Variants in RPA3 observed in about 807,000 individuals in gnomAD.
RPA3 encodes the protein replication protein A3.
In RPA3, 24 loss-of-function variants were observed where a neutral mutation model predicts 13.7. The ratio of observed to expected loss-of-function variants is 1.75; its 90% CI spans 1.27 to 2.46. RPA3 has a LOEUF of 2.46. Ranked by LOEUF, RPA3 falls within the 30% of genes most tolerant of loss-of-function variation. The pLI is 0.00. For synonymous variants in RPA3, 59 were observed against 51.2 expected, an observed-to-expected ratio of 1.15 and a Z score of -0.65; for missense variants, 183 against 151.0, an observed-to-expected ratio of 1.21 and a Z score of -1.11.
intron 2 of RPA3, among the ~76,000 whole-genome samples, chr7:7,696,172 A>AT: frequency 6.6e-6 from 1 of 151,720 alleles, no homozygotes; most frequent in East Asian, 1.9e-4. Flanking sequence ...TGCCCAGCTA[A>AT]TTTTTTTATT....
intron 4 of RPA3, among the ~76,000 whole-genome samples, chr7:7,658,257 C>T (rs1027742892): frequency 6.6e-6 from 1 of 152,228 alleles, no homozygotes; most frequent in Non-Finnish European, 1.5e-5. Context: ...CATCTGCAAA[C>T]AGAGACAATT....
At chr7:7,681,827 G>A (rs780002619) in intron 4 of RPA3, among the ~76,000 whole-genome samples, 1 of 152,092 alleles carries the variant, frequency 6.6e-6, no homozygotes, top group African/African-American at 2.4e-5. Context: ...TACTAGTGTA[G>A]TGGCAAGCTC....
intron 2 of RPA3, among the ~76,000 whole-genome samples, chr7:7,699,551 C>G (rs1780406425): frequency 6.6e-6 from 1 of 152,138 alleles, no homozygotes; most frequent in Admixed American, 6.5e-5. Context: ...AGAACTGAAT[C>G]CCTAGGGTGG....
At chr7:7,652,689 A>G (rs556743637) in intron 4 of RPA3, among the ~76,000 whole-genome samples, 1 of 152,374 alleles carries the variant, frequency 6.6e-6, no homozygotes, top group East Asian at 1.9e-4. Context: ...GGCCTACCAC[A>G]GTGCCTGGCC....
At chr7:7,671,474 T>C (rs1779603350) in intron 4 of RPA3, among the ~76,000 whole-genome samples, 2 of 152,240 alleles carry the variant, frequency 1.3e-5, no homozygotes, top group Admixed American at 6.5e-5. Context: ...GATCCTTAGC[T>C]GAGGCTGAGT....
At position 7,695,969 on chromosome 7, in the gene RPA3, G is replaced by A. The variant is rs1257228522; in HGVS notation, c.-1027-8641C>T. 6.1e-5 allele frequency among the ~76,000 whole-genome samples: 9 copies of A among 147,018 alleles called. No individual in the cohort carries two copies. The East Asian group carries it at 1.8e-3, about 29-fold the overall frequency. ...ATAGGAGGCTCTTTTAAACCCTACTGTGTATATCTCCGTTTTTTTTTTTTT... is the reference window on the plus strand; with the variant it reads ...ATAGGAGGCTCTTTTAAACCCTACTATGTATATCTCCGTTTTTTTTTTTTT... On this transcript the variant is annotated intron_variant, in intron 2 of 7. Coordinates refer to ENST00000223129, the MANE Select transcript of RPA3 (RefSeq NM_002947.5).
chr7:7,685,520 G>A (rs1237585166), intron 4 of RPA3, among the ~76,000 whole-genome samples: 1 of 152,048 alleles, frequency 6.6e-6, no homozygotes, highest in African/African-American at 2.4e-5. Flanking sequence ...CTTTGGCCAG[G>A]ATGGTCTCCA....
intron 4 of RPA3, among the ~76,000 whole-genome samples, chr7:7,669,447 C>T (rs964376906): frequency 2.6e-5 from 4 of 152,026 alleles, no homozygotes; most frequent in African/African-American, 9.7e-5. Flanking sequence ...GTTTTTATAC[C>T]ACTGTGTGTT....
chr7:7,648,319 T>C (rs910733325), intron 4 of RPA3, among the ~76,000 whole-genome samples: 1 of 152,268 alleles, frequency 6.6e-6, no homozygotes. Flanking sequence ...CAGTAAACCA[T>C]AGACTTTATA....
At chr7:7,650,584 G>A (rs549829302) in intron 4 of RPA3, among the ~76,000 whole-genome samples, 6 of 152,294 alleles carry the variant, frequency 3.9e-5, no homozygotes, top group South Asian at 2.1e-4. Flanking sequence ...CCACTAAACC[G>A]TACACTTAAA....
At chr7:7,643,328 A>G (rs1356863964) in intron 4 of RPA3, among the ~76,000 whole-genome samples, 1 of 152,218 alleles carries the variant, frequency 6.6e-6, no homozygotes, top group African/African-American at 2.4e-5. Flanking sequence ...AACTCCCTAA[A>G]AACACTTCCC....
At chr7:7,659,844 C>T (rs927729765) in intron 4 of RPA3, among the ~76,000 whole-genome samples, 1 of 152,064 alleles carries the variant, frequency 6.6e-6, no homozygotes, top group African/African-American at 2.4e-5. Flanking sequence ...AAGTTCAAGT[C>T]CTGAATATCC....
chr7:7,684,239 A>G (rs1167941253), intron 4 of RPA3, among the ~76,000 whole-genome samples: 1 of 151,274 alleles, frequency 6.6e-6, no homozygotes, highest in African/African-American at 2.4e-5. Context: ...GTCTCACTCC[A>G]TCACCCAGGC....
At chr7:7,699,747 G>A (rs1189363056) in intron 2 of RPA3, among the ~76,000 whole-genome samples, 3 of 152,186 alleles carry the variant, frequency 2.0e-5, no homozygotes, top group Non-Finnish European at 4.4e-5. Context: ...GTAAGGTTCT[G>A]TAATCTTAGT....
At chr7:7,653,191 A>G (rs961842907) in intron 4 of RPA3, among the ~76,000 whole-genome samples, 1 of 152,208 alleles carries the variant, frequency 6.6e-6, no homozygotes, top group African/African-American at 2.4e-5. Flanking sequence ...TGCTTCAGAA[A>G]TTCTTCTTGT....
At chr7:7,686,345 A>G (rs145863557) in intron 3 of RPA3, among the ~76,000 whole-genome samples, 2 of 152,318 alleles carry the variant, frequency 1.3e-5, no homozygotes, top group African/African-American at 4.8e-5. Flanking sequence ...CTCAAATGTT[A>G]GAATGTTATC....
intron 4 of RPA3, among the ~76,000 whole-genome samples, chr7:7,644,306 T>A (rs970172229): frequency 3.9e-5 from 6 of 152,042 alleles, no homozygotes; most frequent in African/African-American, 1.4e-4. Context: ...ATGGTACAAG[T>A]GTTGTCTGTT....
chr7:7,668,796 AATT>A (rs1779533405), intron 4 of RPA3, among the ~76,000 whole-genome samples: 1 of 152,178 alleles, frequency 6.6e-6, no homozygotes, highest in Non-Finnish European at 1.5e-5. Context: ...TTATTTACCC[AATT>A]ATTCTAGTTA....
intron 4 of RPA3, chr7:7,673,302 A>C: frequency 8.2e-7 from 1 of 1,224,350 alleles, no homozygotes; most frequent in Non-Finnish European, 1.2e-6. Context: ...TAATGTTTCT[A>C]TTTCAGGTAG....
Sources: allele counts gnomAD v4.1 joint callset (sites outside exome capture counted in the v4.1 genomes callset), GRCh38; gene constraint gnomAD v4.1.1; transcripts MANE v1.5; gene names NCBI Gene and HGNC (gene_info 2026-07-23, HGNC 2026-07-21).